The following RTL4 variants were observed in gnomAD, a reference collection of about 807,000 sequenced individuals.
RTL4 encodes retrotransposon Gag like 4.
Under a neutral mutation model 5.3 loss-of-function variants are expected in RTL4, and 4 were observed. The ratio of observed to expected loss-of-function variants is 0.75; its 90% CI spans 0.37 to 1.72. RTL4 has a LOEUF of 1.72. RTL4 is among the 40% of genes most tolerant of loss of function. The pLI, the probability that RTL4 is intolerant of heterozygous loss-of-function variation, is 0.04. For missense variants in RTL4, 260 were observed against 227.1 expected, an observed-to-expected ratio of 1.14 and a Z score of -0.93; for synonymous variants, 98 against 87.3, an observed-to-expected ratio of 1.12 and a Z score of -0.68.
the RTL4 span, among the ~76,000 whole-genome samples, chrX:112,161,771 G>T: frequency 9.1e-6 from 1 of 109,468 alleles, no homozygotes; most frequent in East Asian, 2.9e-4. Flanking sequence ...TAGGCCTTGG[G>T]CTTGCCAGGT....
chrX:112,138,411 A>AAAT, the RTL4 span, among the ~76,000 whole-genome samples: 2 of 111,548 alleles, frequency 1.8e-5, no homozygotes, highest in South Asian at 3.7e-4. Context: ...TGTTCTTATA[A>AAAT]AATAATAATA....
chrX:112,149,080 C>T, the RTL4 span, among the ~76,000 whole-genome samples: 1 of 111,276 alleles, frequency 9.0e-6, no homozygotes, highest in African/African-American at 3.3e-5. Flanking sequence ...ATTTTTTTCT[C>T]CTGGAAAGAA....
the RTL4 span, among the ~76,000 whole-genome samples, chrX:112,371,764 A>G: frequency 8.9e-6 from 1 of 111,779 alleles, no homozygotes; most frequent in Non-Finnish European, 1.9e-5. Context: ...CACACCATTT[A>G]AAGGCACTTT....
At chrX:112,298,053 CAT>C in the RTL4 span, among the ~76,000 whole-genome samples, 5 of 111,438 alleles carry the variant, frequency 4.5e-5, no homozygotes, top group Admixed American at 3.8e-4. Flanking sequence ...GATGGGATAA[CAT>C]AGTGGAGCGA....
the RTL4 span, among the ~76,000 whole-genome samples, chrX:112,402,982 A>G: frequency 1.8e-5 from 2 of 111,857 alleles, no homozygotes; most frequent in East Asian, 5.6e-4. Context: ...ATTTGTTTTG[A>G]GTAATTTAGT....
At chrX:112,325,520 T>C in the RTL4 span, among the ~76,000 whole-genome samples, 85 of 111,800 alleles carry the variant, frequency 7.6e-4, no homozygotes, top group South Asian at 7.9e-3. Context: ...ATCTGATCTT[T>C]GACAAACCTG....
chrX:112,183,315 A>G, the RTL4 span, among the ~76,000 whole-genome samples: 2 of 112,325 alleles, frequency 1.8e-5, no homozygotes, highest in African/African-American at 3.2e-5. Context: ...ACATAACAAT[A>G]TTAACCTTAA....
At chrX:112,256,967 CTTT>C in the RTL4 span, among the ~76,000 whole-genome samples, 1 of 111,130 alleles carries the variant, frequency 9.0e-6, no homozygotes, top group Non-Finnish European at 1.9e-5. Flanking sequence ...ATTTTTTCTT[CTTT>C]GTTATGACAT....
the RTL4 span, among the ~76,000 whole-genome samples, chrX:112,437,021 A>G: frequency 8.9e-6 from 1 of 112,006 alleles, no homozygotes; most frequent in Non-Finnish European, 1.9e-5. Flanking sequence ...TCTTTCATAT[A>G]CCAATGATAG....
chrX:112,454,964 C>T (rs933160231), exon 1 of RTL4: 3 of 1,209,461 alleles, frequency 2.5e-6, no homozygotes, highest in Non-Finnish European at 3.4e-6. Flanking sequence ...ACTCAGGTGA[C>T]TACCTACTTG....
chrX:112,447,146 C>G, the RTL4 span, among the ~76,000 whole-genome samples: 2 of 111,928 alleles, frequency 1.8e-5, no homozygotes, highest in African/African-American at 6.5e-5. Context: ...AAGTAATATG[C>G]TAAGTGGCTT....
the RTL4 span, among the ~76,000 whole-genome samples, chrX:112,257,113 C>T: frequency 3.9e-4 from 44 of 112,066 alleles, no homozygotes; most frequent in South Asian, 9.5e-3. Flanking sequence ...AGCTGTTATA[C>T]ATTTTCTGGT....
the RTL4 span, among the ~76,000 whole-genome samples, chrX:112,091,971 C>G: frequency 9.0e-6 from 1 of 111,405 alleles, no homozygotes; most frequent in Non-Finnish European, 1.9e-5. Context: ...CAATATATAA[C>G]ATCTTTCTTT....
At chrX:112,147,328 C>A in the RTL4 span, among the ~76,000 whole-genome samples, 6 of 110,966 alleles carry the variant, frequency 5.4e-5, no homozygotes, top group Non-Finnish European at 1.1e-4. Flanking sequence ...GCTTGCAAAG[C>A]ACTCAACTGG....
the RTL4 span, among the ~76,000 whole-genome samples, chrX:112,345,016 C>G: frequency 9.0e-6 from 1 of 111,579 alleles, no homozygotes; most frequent in Non-Finnish European, 1.9e-5. Flanking sequence ...GAAACCGCCC[C>G]CATGATTCAA....
At chrX:112,342,227 AG>A in the RTL4 span, among the ~76,000 whole-genome samples, 3 of 111,367 alleles carry the variant, frequency 2.7e-5, no homozygotes, top group Non-Finnish European at 5.6e-5. Flanking sequence ...CTTTTAACAA[AG>A]GGTTAAAAAT....
the RTL4 span, among the ~76,000 whole-genome samples, chrX:112,429,305 A>G: frequency 9.0e-6 from 1 of 110,721 alleles, no homozygotes. Context: ...CCTTTCTTAG[A>G]ATATTAATTT....
At chrX:112,146,377 A>G in the RTL4 span, among the ~76,000 whole-genome samples, 2 of 111,380 alleles carry the variant, frequency 1.8e-5, no homozygotes, top group African/African-American at 6.5e-5. Flanking sequence ...TTATGATCAC[A>G]TTTACTTTGA....
At chrX:112,406,701 C>T in the RTL4 span, among the ~76,000 whole-genome samples, 1 of 110,820 alleles carries the variant, frequency 9.0e-6, no homozygotes, top group Non-Finnish European at 1.9e-5. Context: ...ATCACCTCTA[C>T]CCTAACCCCA....
Sources: allele counts gnomAD v4.1 joint callset (sites outside exome capture counted in the v4.1 genomes callset), GRCh38; gene constraint gnomAD v4.1.1; transcripts MANE v1.5; gene names NCBI Gene and HGNC (gene_info 2026-07-23, HGNC 2026-07-21).